NCAM1: variants seen among roughly 807,000 people sequenced by gnomAD.
NCAM1 encodes antigen recognized by monoclonal antibody 5.1H11.
In NCAM1, 14 loss-of-function variants were observed where a neutral mutation model predicts 109.8. That is an observed-to-expected ratio of 0.13 (90% CI 0.08 to 0.20). NCAM1 has a LOEUF of 0.20. Among genes scored for constraint, NCAM1 ranks in the 10% least tolerant of loss-of-function variants. The pLI is 1.00. For missense variants in NCAM1, 774 were observed against 1,109.9 expected, an observed-to-expected ratio of 0.70 and a Z score of 4.30; for synonymous variants, 418 against 442.9, an observed-to-expected ratio of 0.94 and a Z score of 0.70.
At chr11:113,046,887 GAAGAAAGGAAGA>G (rs1362971162) in intron 1 of NCAM1, among the ~76,000 whole-genome samples, 1 of 2,448 alleles carries the variant, frequency 4.1e-4, no homozygotes, top group Non-Finnish European at 9.3e-4. Flanking sequence ...GAAGGGAAAG[GAAGAAAGGAAGA>G]AAGGAAGAAA....
At chr11:113,053,325 T>G (rs913058426) in intron 1 of NCAM1, among the ~76,000 whole-genome samples, 1 of 152,226 alleles carries the variant, frequency 6.6e-6, no homozygotes, top group Non-Finnish European at 1.5e-5. Context: ...GCATTTGGGT[T>G]GATTCCATGT....
intron 14 of NCAM1, chr11:113,242,972 G>T (rs782009644): frequency 8.0e-5 from 123 of 1,533,206 alleles, no homozygotes; most frequent in Non-Finnish European, 1.1e-4. Flanking sequence ...ATGCATGAAG[G>T]CTCCTAGCCT....
At chr11:113,010,542 C>G (rs782402220) in intron 1 of NCAM1, among the ~76,000 whole-genome samples, 1 of 152,120 alleles carries the variant, frequency 6.6e-6, no homozygotes, top group African/African-American at 2.4e-5. Flanking sequence ...AGCTAATGAG[C>G]AAACATCAGC....
At chr11:113,231,622 C>A in intron 9 of NCAM1, 23 bp from the exon 10 acceptor site, 3 of 1,585,398 alleles carry the variant, frequency 1.9e-6, no homozygotes, top group East Asian at 2.2e-5. Context: ...CTGACATGCT[C>A]CCTTCCCCCC....
intron 1 of NCAM1, among the ~76,000 whole-genome samples, chr11:113,097,840 CT>C (rs1393964890): frequency 6.6e-6 from 1 of 151,996 alleles, no homozygotes; most frequent in Non-Finnish European, 1.5e-5. Context: ...TTTGTACAAG[CT>C]TTTGTGTTAA....
intron 14 of NCAM1, chr11:113,236,410 T>G: frequency 7.3e-7 from 1 of 1,371,280 alleles, no homozygotes; most frequent in Admixed American, 1.7e-5. Flanking sequence ...TTTTGTCCCC[T>G]AGAGGCTGAA....
intron 1 of NCAM1, among the ~76,000 whole-genome samples, chr11:113,149,973 C>T (rs1273591025): frequency 2.6e-5 from 4 of 152,064 alleles, no homozygotes; most frequent in African/African-American, 9.7e-5. Context: ...ATGTGGGAGT[C>T]ATTTGCATAA....
chr11:113,246,808 C>T (rs559140202), intron 15 of NCAM1, among the ~76,000 whole-genome samples: 1 of 152,360 alleles, frequency 6.6e-6, no homozygotes, highest in South Asian at 2.1e-4. Context: ...CCTTGAAATG[C>T]TACAGAGTGA....
At chr11:113,259,252 C>T (rs950891285) in intron 16 of NCAM1, among the ~76,000 whole-genome samples, 3 of 151,546 alleles carry the variant, frequency 2.0e-5, no homozygotes, top group Admixed American at 6.6e-5. Flanking sequence ...GGGGTTTCAC[C>T]GTTTTAGCCG....
At chr11:113,189,402 A>T (rs1943608005) in intron 1 of NCAM1, among the ~76,000 whole-genome samples, 3 of 150,090 alleles carry the variant, frequency 2.0e-5, no homozygotes, top group South Asian at 4.2e-4. Flanking sequence ...GTGAGCCGAG[A>T]TCATGCCACT....
intron 1 of NCAM1, among the ~76,000 whole-genome samples, chr11:113,082,610 G>T (rs1938880903): frequency 6.6e-6 from 1 of 152,170 alleles, no homozygotes; most frequent in Non-Finnish European, 1.5e-5. Context: ...TTTATATACA[G>T]CAGTTTTAAT....
intron 1 of NCAM1, among the ~76,000 whole-genome samples, chr11:113,030,843 A>C (rs1555078224): frequency 5.9e-5 from 9 of 152,234 alleles, no homozygotes. Flanking sequence ...TCACTTATGC[A>C]GCTGAAGTTT....
intron 19 of NCAM1, 133 bp from the exon 20 acceptor site, chr11:113,275,134 C>T (rs868916679): frequency 5.3e-5 from 63 of 1,197,512 alleles, no homozygotes; most frequent in African/African-American, 9.2e-5. Flanking sequence ...GGTGATTTGA[C>T]GGGCAGAGGT....
chr11:113,177,398 G>C (rs1943191165), intron 1 of NCAM1, among the ~76,000 whole-genome samples: 2 of 152,262 alleles, frequency 1.3e-5, no homozygotes, highest in South Asian at 4.2e-4. Context: ...ACTATTAAAA[G>C]TTACCTAGGA....
intron 1 of NCAM1, among the ~76,000 whole-genome samples, chr11:113,129,774 A>G (rs1026107947): frequency 2.6e-5 from 4 of 152,224 alleles, no homozygotes; most frequent in East Asian, 1.9e-4. Flanking sequence ...AACATCCTGA[A>G]TAAAGAAGAT....
chr11:113,018,872 C>T (rs1444113162), intron 1 of NCAM1, among the ~76,000 whole-genome samples: 1 of 152,004 alleles, frequency 6.6e-6, no homozygotes, highest in Non-Finnish European at 1.5e-5. Context: ...ATTTTCATTA[C>T]AAAAATTACC....
At chr11:113,079,931 G>A (rs1938713263) in intron 1 of NCAM1, among the ~76,000 whole-genome samples, 1 of 152,116 alleles carries the variant, frequency 6.6e-6, no homozygotes, top group South Asian at 2.1e-4. Flanking sequence ...TTCGTTCTTT[G>A]GAAGGCTTTG....
intron 1 of NCAM1, among the ~76,000 whole-genome samples, chr11:113,165,640 G>A (rs2885455): frequency 0.14 from 20,970 of 151,750 alleles, 1,588 homozygotes; most frequent in East Asian, 0.26. Context: ...GCACCCTTAC[G>A]ACCCTATTGT....
Position 113,221,290 on chromosome 11 carries a change from C to T in NCAM1, c.1060-6C>T, listed in dbSNP as rs782531816. ...CTTGTTGTGTTTTATATCTTGTTTT[C>T]TCCAGGCTTCGTGGACTCGACCAGA... On this transcript the variant is annotated splice_region_variant and splice_polypyrimidine_tract_variant and intron_variant, in intron 8 of 19. Transcript: ENST00000316851. 6 of 1,560,530 alleles carry T rather than the reference C, an allele frequency of 3.8e-6. No individual in the cohort carries two copies. The South Asian group carries it at 7.1e-5, about 18-fold the overall frequency.
Sources: allele counts gnomAD v4.1 joint callset (sites outside exome capture counted in the v4.1 genomes callset), GRCh38; gene constraint gnomAD v4.1.1; transcripts MANE v1.5; gene names NCBI Gene and HGNC (gene_info 2026-07-23, HGNC 2026-07-21).